Variants in LTA4H observed in about 807,000 individuals in gnomAD.
The protein encoded by LTA4H is leukotriene A-4 hydrolase.
In LTA4H, 59 loss-of-function variants were observed where a neutral mutation model predicts 89.8. The observed-to-expected ratio is 0.66, with a 90% CI of 0.53 to 0.82. LTA4H has a LOEUF of 0.82. LTA4H is among the 40% of genes least tolerant of loss of function. The probability of loss-of-function intolerance (pLI) is 0.00; values close to 1 mark genes in which losing one functional copy is unlikely to be tolerated. For synonymous variants in LTA4H, 227 were observed against 253.1 expected, an observed-to-expected ratio of 0.90 and a Z score of 0.98; for missense variants, 617 against 727.0, an observed-to-expected ratio of 0.85 and a Z score of 1.74.
In LTA4H at chr12:96,009,154, A is replaced by G. The variant is rs757534348; in HGVS notation, c.1380-6T>C. ...TTGTCAGAGTCATATCATAACTGCA[A>G]AGATAAAGATTACATTGTTTAAAAA... On this transcript the variant is annotated splice_region_variant and splice_polypyrimidine_tract_variant and intron_variant, in intron 14 of 18. Coordinates refer to ENST00000228740, the MANE Select transcript of LTA4H (RefSeq NM_000895.3). 1.9e-6 allele frequency: 3 copies of G among 1,591,580 alleles called. No homozygotes were observed. The highest frequency in any genetic ancestry group is 1.7e-6 in the Non-Finnish European group (2 of 1,161,040).
rs1242155503 is a variant in LTA4H at position 96,013,383 on chromosome 12, C to A, written c.1309-125G>T. On this transcript the variant is annotated intron_variant, in intron 13 of 18. Transcript: ENST00000228740. ...TGCTATATCAAGATAATTTCTAAAT[C>A]TTTTTTAAAAATTAATATTTTAAAT... The A allele has an allele frequency of 5.6e-5, 34 of 603,528 alleles. No individual in the cohort carries two copies. In the Admixed American group the frequency reaches 9.3e-4, roughly 17 times the overall value. 37.4% of individuals were successfully genotyped at this position (603,528 alleles called of 1,614,324 possible).
At chr12:96,032,869 G>T (rs1200328840) in intron 1 of LTA4H, among the ~76,000 whole-genome samples, 1 of 152,074 alleles carries the variant, frequency 6.6e-6, no homozygotes, top group East Asian at 1.9e-4. Flanking sequence ...CTTACTTATA[G>T]AACAGAGATA....
At chr12:96,031,036 A>T (rs1029578805) in intron 1 of LTA4H, among the ~76,000 whole-genome samples, 22 of 152,198 alleles carry the variant, frequency 1.4e-4, no homozygotes, top group Admixed American at 6.5e-5. Context: ...AGTGGAACAT[A>T]TTCTGTTTTC....
intron 5 of LTA4H, among the ~76,000 whole-genome samples, chr12:96,021,835 T>C (rs943098571): frequency 3.3e-5 from 5 of 152,120 alleles, no homozygotes; most frequent in African/African-American, 1.2e-4. Context: ...GCCCACACTG[T>C]AGTACCAGGG....
intron 6 of LTA4H, among the ~76,000 whole-genome samples, chr12:96,020,409 T>C (rs767832207): frequency 6.6e-6 from 1 of 152,224 alleles, no homozygotes; most frequent in Non-Finnish European, 1.5e-5. Context: ...ATTCTACTTA[T>C]GTGAGGTATC....
At chr12:96,031,905 C>T (rs992677214) in intron 1 of LTA4H, among the ~76,000 whole-genome samples, 16 of 152,298 alleles carry the variant, frequency 1.1e-4, no homozygotes, top group African/African-American at 3.8e-4. Context: ...TCTAAATTTA[C>T]ATTTTCTACT....
intron 5 of LTA4H, among the ~76,000 whole-genome samples, 175 bp from the exon 6 acceptor site, chr12:96,021,312 A>G (rs927545491): frequency 2.6e-5 from 4 of 152,246 alleles, no homozygotes; most frequent in Non-Finnish European, 5.9e-5. Context: ...CATATAGCTT[A>G]AAATTGTGAT....
chr12:96,033,347 T>C (rs1019946048), intron 1 of LTA4H, among the ~76,000 whole-genome samples: 1 of 152,220 alleles, frequency 6.6e-6, no homozygotes, highest in Non-Finnish European at 1.5e-5. Context: ...TTCTGAAATA[T>C]ATGTTGCAGC....
At chr12:96,005,480 G>C (rs1396585289) in intron 16 of LTA4H, among the ~76,000 whole-genome samples, 1 of 152,160 alleles carries the variant, frequency 6.6e-6, no homozygotes, top group African/African-American at 2.4e-5. Flanking sequence ...AGCATTGAGA[G>C]TCATCACATC....
At chr12:96,008,861 A>G (rs902458031) in intron 15 of LTA4H, among the ~76,000 whole-genome samples, 2 of 151,768 alleles carry the variant, frequency 1.3e-5, no homozygotes, top group Non-Finnish European at 2.9e-5. Flanking sequence ...TGAGGCTGCA[A>G]TGAGCCATGA....
chr12:96,034,637 C>A (rs1046495729), intron 1 of LTA4H, among the ~76,000 whole-genome samples: 2 of 152,216 alleles, frequency 1.3e-5, no homozygotes, highest in East Asian at 1.9e-4. Flanking sequence ...GAGAGAGCTG[C>A]GCCTAGAGTT....
rs2136899449 is a variant in LTA4H at position 96,020,867 on chromosome 12, G to A, written c.638+218C>T. ...TCCAGATCTCTAAAGGTAAGAGCAT[G>A]CTCATTTTACAATACTTGAAAAAAT... is the stretch of plus-strand genomic sequence containing the variant. On this transcript the variant is annotated intron_variant, in intron 6 of 18. Coordinates refer to ENST00000228740, the MANE Select transcript of LTA4H (RefSeq NM_000895.3). 3 of 463,958 alleles carry A rather than the reference G, an allele frequency of 6.5e-6. No homozygotes were observed. The South Asian group carries it at 8.0e-5, about 12-fold the overall frequency. 28.7% of individuals were successfully genotyped at this position (463,958 alleles called of 1,614,324 possible).
chr12:96,014,779 A>C, intron 12 of LTA4H, 76 bp downstream of exon 12: 1 of 1,359,970 alleles, frequency 7.4e-7, no homozygotes, highest in Non-Finnish European at 1.0e-6. Context: ...GGAACAAAAC[A>C]ATAGTTTACA....
intron 1 of LTA4H, among the ~76,000 whole-genome samples, chr12:96,032,582 TACTAATTA>T (rs1417884371): frequency 1.3e-5 from 2 of 152,216 alleles, no homozygotes; most frequent in Non-Finnish European, 2.9e-5. Context: ...TTTAAATAAA[TACTAATTA>T]ACTAATTAAT....
At chr12:96,021,257 G>C in intron 5 of LTA4H, 120 bp from the exon 6 acceptor site, 1 of 659,592 alleles carries the variant, frequency 1.5e-6, no homozygotes, top group Non-Finnish European at 2.4e-6. Flanking sequence ...AATATTAGTA[G>C]GGATAACTTT....
chr12:96,034,013 T>C (rs1351830929), intron 1 of LTA4H, among the ~76,000 whole-genome samples: 1 of 152,226 alleles, frequency 6.6e-6, no homozygotes, highest in East Asian at 1.9e-4. Flanking sequence ...GACCTATTTT[T>C]CAAATCAATC....
At chr12:96,035,655 G>T, upstream of LTA4H, 2 of 1,430,178 alleles carry the variant, frequency 1.4e-6, no homozygotes, top group Non-Finnish European at 1.8e-6. Context: ...GGGAAAGGAA[G>T]TTTCTTAAAG....
In LTA4H at chr12:96,013,176, G is replaced by A. The variant is rs2136882219; in HGVS notation, c.1379+12C>T. 6.2e-7 allele frequency: 1 copy of A among 1,605,888 alleles called. No individual in the cohort carries two copies. The highest frequency in any genetic ancestry group is 8.5e-7 in the Non-Finnish European group (1 of 1,172,672). ...AGAATGAGAAGGAAAGCATTAGCAG[G>A]CAAGTACTTACTTGGGCTTTATGGG... On this transcript the variant is annotated intron_variant, in intron 14 of 18. Transcript: ENST00000228740.
At chr12:96,016,292 C>G (rs950923594) in intron 10 of LTA4H, among the ~76,000 whole-genome samples, 1 of 123,448 alleles carries the variant, frequency 8.1e-6, no homozygotes, top group African/African-American at 3.2e-5. Context: ...GAGTGAGACT[C>G]CATCTCAAAA....
Sources: allele counts gnomAD v4.1 joint callset (sites outside exome capture counted in the v4.1 genomes callset), GRCh38; gene constraint gnomAD v4.1.1; transcripts MANE v1.5; gene names NCBI Gene and HGNC (gene_info 2026-07-23, HGNC 2026-07-21).